Variants in ZPBP observed in about 807,000 individuals in gnomAD.
The protein encoded by ZPBP is zona pellucida binding protein.
In ZPBP, 26 loss-of-function variants were observed where a neutral mutation model predicts 44.8. That is an observed-to-expected ratio of 0.58 (90% CI 0.43 to 0.81). The LOEUF (loss-of-function observed/expected upper bound fraction) is 0.81. Among genes scored for constraint, ZPBP ranks in the 30% least tolerant of loss-of-function variants. The pLI, the probability that ZPBP is intolerant of heterozygous loss-of-function variation, is 0.00. For synonymous variants in ZPBP, 174 were observed against 153.2 expected (o/e 1.14, Z -1.00); for missense variants, 409 against 434.0 (o/e 0.94, Z 0.51).
At chr7:49,924,089 C>T (rs1794134296) in intron 1 of ZPBP, among the ~76,000 whole-genome samples, 1 of 151,866 alleles carries the variant, frequency 6.6e-6, no homozygotes, top group Admixed American at 6.6e-5. Context: ...TGCCATTGCA[C>T]TCCAGCCTAG....
intron 2 of ZPBP, among the ~76,000 whole-genome samples, chr7:49,870,580 C>T (rs1444083237): frequency 6.6e-6 from 1 of 152,030 alleles, no homozygotes. Flanking sequence ...GAATACAGGG[C>T]ATGTCTTACG....
intron 2 of ZPBP, among the ~76,000 whole-genome samples, chr7:49,896,835 A>G (rs1303967770): frequency 1.3e-5 from 2 of 152,070 alleles, no homozygotes; most frequent in Admixed American, 1.3e-4. Flanking sequence ...AATTCATTCA[A>G]TATGAAATAA....
At chr7:49,896,167 C>A (rs986047148) in intron 2 of ZPBP, among the ~76,000 whole-genome samples, 1 of 152,046 alleles carries the variant, frequency 6.6e-6, no homozygotes, top group Admixed American at 6.6e-5. Context: ...GTGGTAAAAC[C>A]CTGTCTCTGC....
At chr7:50,002,266 G>A (rs140729131) in intron 6 of ZPBP, among the ~76,000 whole-genome samples, 1 of 152,208 alleles carries the variant, frequency 6.6e-6, no homozygotes, top group East Asian at 1.9e-4. Flanking sequence ...CAAATCTCAT[G>A]AGGCTTATTC....
intron 5 of ZPBP, among the ~76,000 whole-genome samples, chr7:50,023,837 C>A (rs1404926144): frequency 6.6e-6 from 1 of 151,986 alleles, no homozygotes; most frequent in African/African-American, 2.4e-5. Flanking sequence ...TGCTAGGTAT[C>A]AAAATCACTT....
intron 1 of ZPBP, chr7:49,915,006 TC>T (rs1355382383): frequency 6.6e-6 from 1 of 152,218 alleles, no homozygotes; most frequent in African/African-American, 2.4e-5. Flanking sequence ...TTTCAAATTT[TC>T]AACCCATATT....
intron 1 of ZPBP, among the ~76,000 whole-genome samples, chr7:49,906,171 G>C (rs1379859919): frequency 6.6e-6 from 1 of 151,924 alleles, no homozygotes; most frequent in Non-Finnish European, 1.5e-5. Context: ...TTACTCTATG[G>C]ACTCACCCCA....
At chr7:49,951,313 G>T (rs1054816640) in intron 7 of ZPBP, among the ~76,000 whole-genome samples, 24 of 151,592 alleles carry the variant, frequency 1.6e-4, no homozygotes, top group African/African-American at 5.6e-4. Flanking sequence ...GCATATATTT[G>T]CTGAGAATCT....
At chr7:50,002,761 T>G (rs1178565743) in intron 6 of ZPBP, among the ~76,000 whole-genome samples, 1 of 152,202 alleles carries the variant, frequency 6.6e-6, no homozygotes, top group Non-Finnish European at 1.5e-5. Flanking sequence ...GATCCTACTT[T>G]AGAAGTCATA....
chr7:50,003,525 A>C (rs995027144), intron 6 of ZPBP, among the ~76,000 whole-genome samples: 15 of 152,220 alleles, frequency 9.9e-5, no homozygotes, highest in Non-Finnish European at 1.5e-5. Context: ...TGCTTACAGC[A>C]TTCTAGCTGG....
intron 1 of ZPBP, chr7:49,912,035 T>C (rs373782102): frequency 6.9e-5 from 112 of 1,612,908 alleles, no homozygotes; most frequent in Non-Finnish European, 9.3e-5. Context: ...GCATTTCAGG[T>C]CCAAACTGCT....
At chr7:50,010,132 T>C (rs923251683) in intron 6 of ZPBP, among the ~76,000 whole-genome samples, 4 of 152,124 alleles carry the variant, frequency 2.6e-5, no homozygotes, top group Admixed American at 6.5e-5. Flanking sequence ...ATCTACAAGC[T>C]TATTCAAAAT....
At chr7:49,999,647 C>G (rs970517880) in intron 6 of ZPBP, among the ~76,000 whole-genome samples, 1 of 152,150 alleles carries the variant, frequency 6.6e-6, no homozygotes, top group Non-Finnish European at 1.5e-5. Context: ...ATCAGGAGCA[C>G]TAATGTTTGA....
chr7:49,878,146 C>T (rs764166396), intron 2 of ZPBP, among the ~76,000 whole-genome samples: 5 of 152,138 alleles, frequency 3.3e-5, no homozygotes, highest in Non-Finnish European at 7.4e-5. Context: ...ACAGCCTGGG[C>T]CACACTCAGG....
chr7:49,942,434 T>C (rs1231630448), intron 7 of ZPBP: 1 of 155,568 alleles, frequency 6.4e-6, no homozygotes, highest in Non-Finnish European at 1.4e-5. Flanking sequence ...TTTACTTGAA[T>C]ATTCCTCTTC....
intron 1 of ZPBP, chr7:49,915,846 A>G (rs952397508): frequency 2.6e-5 from 4 of 152,218 alleles, no homozygotes; most frequent in African/African-American, 4.8e-5. Context: ...ACAAATAAGC[A>G]TCATTGGTAA....
intron 7 of ZPBP, among the ~76,000 whole-genome samples, chr7:49,973,346 CTT>C (rs1031484041): frequency 1.6e-4 from 25 of 151,630 alleles, no homozygotes; most frequent in Admixed American, 1.2e-3. Context: ...AAAAAATGGA[CTT>C]AACAAAAATT....
At chr7:49,853,120 G>A (rs573001409) in intron 2 of ZPBP, among the ~76,000 whole-genome samples, 4 of 152,354 alleles carry the variant, frequency 2.6e-5, no homozygotes, top group African/African-American at 9.6e-5. Flanking sequence ...CAGGCTATGG[G>A]GCAGGGCTGC....
chr7:49,859,751 C>A (rs1048545544), intron 2 of ZPBP, among the ~76,000 whole-genome samples: 11 of 152,214 alleles, frequency 7.2e-5, no homozygotes, highest in African/African-American at 2.4e-4. Flanking sequence ...CTATTTCTCC[C>A]TACAGATGTA....
Sources: allele counts gnomAD v4.1 joint callset (sites outside exome capture counted in the v4.1 genomes callset), GRCh38; gene constraint gnomAD v4.1.1; transcripts MANE v1.5; gene names NCBI Gene and HGNC (gene_info 2026-07-23, HGNC 2026-07-21).